CCDC91: variants seen among roughly 807,000 people sequenced by gnomAD.
CCDC91 encodes coiled-coil domain-containing protein 91.
In CCDC91, 48 loss-of-function variants were observed where a neutral mutation model predicts 63.2. The observed-to-expected ratio is 0.76, with a 90% CI of 0.60 to 0.97. The LOEUF is 0.97. Ranked by LOEUF, CCDC91 falls within the 50% of genes least tolerant of loss-of-function variation. The pLI is 0.00. For missense variants in CCDC91, 500 were observed against 494.6 expected (o/e 1.01, Z -0.10); for synonymous variants, 167 against 165.8 (o/e 1.01, Z -0.06).
intron 1 of CCDC91, among the ~76,000 whole-genome samples, chr12:28,232,985 A>G (rs1422498466): frequency 6.6e-6 from 1 of 152,016 alleles, no homozygotes; most frequent in East Asian, 1.9e-4. Flanking sequence ...AAAAAAAAAA[A>G]AAAAAAATAT....
At chr12:28,521,502 A>G (rs1940662323) in intron 12 of CCDC91, among the ~76,000 whole-genome samples, 7 of 152,180 alleles carry the variant, frequency 4.6e-5, no homozygotes. Flanking sequence ...TAGATATACA[A>G]TCATGTCATC....
intron 12 of CCDC91, among the ~76,000 whole-genome samples, chr12:28,526,554 C>G (rs1941281723): frequency 6.6e-6 from 1 of 152,100 alleles, no homozygotes; most frequent in Admixed American, 6.6e-5. Flanking sequence ...TCCATCTTAA[C>G]TTTAGATAAC....
chr12:28,245,247 A>T (rs1945650767), intron 1 of CCDC91, among the ~76,000 whole-genome samples: 1 of 152,134 alleles, frequency 6.6e-6, no homozygotes, highest in African/African-American at 2.4e-5. Flanking sequence ...GTGTATGATA[A>T]AGATGGCTTA....
intron 11 of CCDC91, among the ~76,000 whole-genome samples, chr12:28,471,743 GT>G (rs1025124236): frequency 2.0e-5 from 3 of 148,838 alleles, no homozygotes; most frequent in Non-Finnish European, 4.5e-5. Flanking sequence ...ACATTGTTTT[GT>G]TTATTTTCTC....
At chr12:28,458,449 G>T in intron 11 of CCDC91, among the ~76,000 whole-genome samples, 5 of 74,284 alleles carry the variant, frequency 6.7e-5, no homozygotes, top group East Asian at 4.6e-4. Flanking sequence ...GTCCTCATTT[G>T]CACACCTTTT....
chr12:28,447,868 T>C (rs1204806280), intron 8 of CCDC91, among the ~76,000 whole-genome samples: 4 of 138,666 alleles, frequency 2.9e-5, no homozygotes, highest in Admixed American at 7.5e-5. Context: ...AGGGGAAATT[T>C]TCCCCTTGCC....
At chr12:28,405,621 G>A (rs568571769) in intron 8 of CCDC91, among the ~76,000 whole-genome samples, 52 of 152,164 alleles carry the variant, frequency 3.4e-4, no homozygotes, top group African/African-American at 1.2e-3. Context: ...CAGCTTAAAG[G>A]TACTCACTGA....
chr12:28,274,951 G>T (rs538238561), intron 3 of CCDC91, among the ~76,000 whole-genome samples: 1 of 151,922 alleles, frequency 6.6e-6, no homozygotes, highest in African/African-American at 2.4e-5. Flanking sequence ...ACCAGAATCT[G>T]TGGGACACAT....
In CCDC91 at chr12:28,201,573, G is replaced by A. The variant is rs9262686; in HGVS notation, c.-15+10932G>A. ...GCAGCCAGGCAGAGGGGCTCCTCAC[G>A]TCCCAGGCGATGGGCGGCCAGGCAG... is the stretch of plus-strand genomic sequence containing the variant. On this transcript the variant is annotated intron_variant, in intron 1 of 12. Coordinates refer to ENST00000536442, the MANE Select transcript of CCDC91 (RefSeq NM_018318.5). 4.4e-5 allele frequency among the ~76,000 whole-genome samples: 6 copies of A among 137,298 alleles called. 1 individual carries two copies. Among genetic ancestry groups the A allele is most frequent in the East Asian group, 4.3e-4 (2 of 4,670 alleles). 90.1% of individuals were successfully genotyped at this position (137,298 alleles called of 152,430 possible). A position where few individuals can be genotyped will look rare whatever the true frequency, so the allele number is the denominator to read the frequency against.
chr12:28,401,877 C>G (rs1170065278), intron 8 of CCDC91, among the ~76,000 whole-genome samples: 1 of 152,086 alleles, frequency 6.6e-6, no homozygotes, highest in Non-Finnish European at 1.5e-5. Flanking sequence ...GTTTGTGATT[C>G]TTAATTATGA....
At chr12:28,275,297 C>T (rs1354571189) in intron 3 of CCDC91, among the ~76,000 whole-genome samples, 1 of 151,586 alleles carries the variant, frequency 6.6e-6, no homozygotes, top group Admixed American at 6.6e-5. Flanking sequence ...TATCACCACC[C>T]ATCCCACAGA....
intron 1 of CCDC91, among the ~76,000 whole-genome samples, chr12:28,209,580 G>A (rs530118750): frequency 1.6e-4 from 25 of 151,936 alleles, no homozygotes; most frequent in Admixed American, 3.9e-4. Flanking sequence ...ACAGGTGCCC[G>A]CCACCAGGCC....
chr12:28,207,864 T>C (rs1409882000), intron 1 of CCDC91, among the ~76,000 whole-genome samples: 1 of 152,224 alleles, frequency 6.6e-6, no homozygotes, highest in African/African-American at 2.4e-5. Flanking sequence ...GACTTGATTC[T>C]CCAAATTAGG....
chr12:28,351,373 A>C (rs1943169140), intron 6 of CCDC91, among the ~76,000 whole-genome samples: 1 of 152,188 alleles, frequency 6.6e-6, no homozygotes, highest in Non-Finnish European at 1.5e-5. Context: ...CAGGAAGGAA[A>C]ATTCATTAGG....
At chr12:28,286,159 T>TC (rs1948902954) in intron 3 of CCDC91, among the ~76,000 whole-genome samples, 1 of 150,780 alleles carries the variant, frequency 6.6e-6, no homozygotes, top group Non-Finnish European at 1.5e-5. Context: ...ATAAAGAAGT[T>TC]TTTTTTTTCT....
At chr12:28,543,713 C>A (rs1217859588) in intron 12 of CCDC91, among the ~76,000 whole-genome samples, 3 of 152,082 alleles carry the variant, frequency 2.0e-5, no homozygotes, top group East Asian at 1.9e-4. Flanking sequence ...ACTGCAGACC[C>A]CTATATCTGA....
intron 8 of CCDC91, among the ~76,000 whole-genome samples, chr12:28,424,934 A>G (rs774009958): frequency 1.1e-4 from 16 of 152,112 alleles, no homozygotes; most frequent in Non-Finnish European, 1.9e-4. Context: ...GCTTAACATT[A>G]TATATGATGT....
intron 12 of CCDC91, among the ~76,000 whole-genome samples, chr12:28,534,379 G>A (rs1054779605): frequency 3.9e-5 from 6 of 152,138 alleles, no homozygotes. Context: ...GGCCATGACA[G>A]GTCATTGGCT....
chr12:28,360,334 A>G (rs1943795069), intron 6 of CCDC91, among the ~76,000 whole-genome samples: 1 of 152,214 alleles, frequency 6.6e-6, no homozygotes, highest in South Asian at 2.1e-4. Flanking sequence ...AACTATCAGC[A>G]TTCTCTTTTA....
Sources: gnomAD v4.1 joint callset for allele counts (sites outside exome capture counted in the v4.1 genomes callset) on GRCh38, gnomAD v4.1.1 for gene constraint, MANE v1.5 for transcripts, NCBI Gene and HGNC (gene_info 2026-07-23, HGNC 2026-07-21) for gene names.